The following SLC38A12 variants were observed in gnomAD, a reference collection of about 807,000 sequenced individuals.
SLC38A12 encodes putative sodium-coupled neutral amino acid transporter 12.
chr17:74,837,239 C>T, the SLC38A12 span: 1 of 985,706 alleles, frequency 1.0e-6, no homozygotes, highest in Non-Finnish European at 1.2e-6. Flanking sequence ...GTAGGTGCCA[C>T]CTCAGAGAGG....
At chr17:74,838,990 C>G in the SLC38A12 span, 1 of 1,535,662 alleles carries the variant, frequency 6.5e-7, no homozygotes, top group African/African-American at 1.4e-5. Flanking sequence ...TCAACAGCCT[C>G]TACCCAACAT....
the SLC38A12 span, among the ~76,000 whole-genome samples, chr17:74,804,198 C>G: frequency 1.3e-5 from 2 of 152,246 alleles, no homozygotes; most frequent in Non-Finnish European, 2.9e-5. Context: ...ATAAGCAGAG[C>G]CTGATGTCTT....
the SLC38A12 span, among the ~76,000 whole-genome samples, chr17:74,835,332 C>T: frequency 4.6e-5 from 7 of 152,272 alleles, no homozygotes; most frequent in African/African-American, 1.4e-4. Flanking sequence ...TGCCCTTGGC[C>T]CCTAGGCACT....
At chr17:74,828,254 G>A in the SLC38A12 span, among the ~76,000 whole-genome samples, 1 of 152,206 alleles carries the variant, frequency 6.6e-6, no homozygotes, top group Non-Finnish European at 1.5e-5. Flanking sequence ...AGAGGTCAGA[G>A]AGTTGTGGGA....
chr17:74,836,533 G>A, the SLC38A12 span: 19 of 1,612,914 alleles, frequency 1.2e-5, no homozygotes, highest in South Asian at 2.2e-5. The surrounding 1 kb of genome is among the most constrained non-coding windows in gnomAD (Gnocchi z 4.2). Flanking sequence ...TACCACTGCC[G>A]CAGGGACACC....
chr17:74,830,439 ACTT>A, the SLC38A12 span, among the ~76,000 whole-genome samples: 13 of 152,180 alleles, frequency 8.5e-5, no homozygotes, highest in Non-Finnish European at 1.9e-4. Flanking sequence ...GCCTGCAGGG[ACTT>A]CTTATCTGGC....
chr17:74,804,160 A>T, the SLC38A12 span, among the ~76,000 whole-genome samples: 9 of 152,374 alleles, frequency 5.9e-5, no homozygotes, highest in East Asian at 1.7e-3. Context: ...TCCCTGAATG[A>T]TGCTTGCTCT....
the SLC38A12 span, chr17:74,795,511 T>C: frequency 5.0e-6 from 8 of 1,612,322 alleles, no homozygotes; most frequent in Non-Finnish European, 1.7e-6. Flanking sequence ...CCTGCTGTCA[T>C]TCTCTTTATC....
the SLC38A12 span, chr17:74,836,658 A>G: frequency 6.2e-7 from 1 of 1,608,894 alleles, no homozygotes; most frequent in Non-Finnish European, 8.5e-7. This position sits in a 1 kb window ranked among gnomAD's most constrained non-coding sequence, Gnocchi z 4.2. Flanking sequence ...CGTCACGGCC[A>G]ATATCATCCT....
At chr17:74,814,097 A>G in the SLC38A12 span, among the ~76,000 whole-genome samples, 1 of 152,308 alleles carries the variant, frequency 6.6e-6, no homozygotes, top group South Asian at 2.1e-4. Context: ...CAAGACCTTG[A>G]GCTTCTTCAC....
chr17:74,822,471 C>T, the SLC38A12 span, among the ~76,000 whole-genome samples: 2 of 152,242 alleles, frequency 1.3e-5, no homozygotes, highest in African/African-American at 4.8e-5. Flanking sequence ...GAGACCAGCT[C>T]GGGAAGGTCG....
At chr17:74,836,498 G>A in the SLC38A12 span, 4 of 1,611,786 alleles carry the variant, frequency 2.5e-6, no homozygotes, top group Admixed American at 5.0e-5. This position sits in a 1 kb window ranked among gnomAD's most constrained non-coding sequence, Gnocchi z 4.2. Context: ...CCGGCATCCA[G>A]TACGTCATCC....
chr17:74,798,764 C>G, the SLC38A12 span, among the ~76,000 whole-genome samples: 5 of 150,080 alleles, frequency 3.3e-5, no homozygotes, highest in East Asian at 6.0e-4. Context: ...CCCTCCTGCT[C>G]TTTTGAAAAA....
the SLC38A12 span, among the ~76,000 whole-genome samples, chr17:74,824,527 G>A: frequency 1.1e-3 from 164 of 152,302 alleles, 1 homozygote; most frequent in Middle Eastern, 0.01. Flanking sequence ...AACTTTCACC[G>A]ACAGATGCCT....
the SLC38A12 span, chr17:74,838,404 A>G: frequency 3.5e-5 from 35 of 1,006,462 alleles, no homozygotes; most frequent in Non-Finnish European, 4.0e-5. Flanking sequence ...ATCTGGAACT[A>G]CCCTTCTCCA....
the SLC38A12 span, chr17:74,788,721 G>C: frequency 1.4e-6 from 2 of 1,410,480 alleles, no homozygotes; most frequent in Non-Finnish European, 2.0e-6. Flanking sequence ...TCTTACAATG[G>C]TGTTTTCCTT....
the SLC38A12 span, chr17:74,836,770 C>T: frequency 1.3e-6 from 2 of 1,497,736 alleles, no homozygotes; most frequent in Non-Finnish European, 8.9e-7. This position sits in a 1 kb window ranked among gnomAD's most constrained non-coding sequence, Gnocchi z 4.2. Flanking sequence ...TTTAGTTGCT[C>T]CCAGGTCTTC....
chr17:74,836,593 G>A, the SLC38A12 span: 22 of 1,612,640 alleles, frequency 1.4e-5, no homozygotes, highest in South Asian at 1.4e-4. The surrounding 1 kb of genome is among the most constrained non-coding windows in gnomAD (Gnocchi z 4.2). Context: ...TCCCCTTTCC[G>A]CCACACCTTC....
chr17:74,806,860 C>T, the SLC38A12 span, among the ~76,000 whole-genome samples: 1 of 152,146 alleles, frequency 6.6e-6, no homozygotes, highest in South Asian at 2.1e-4. Context: ...AGTGTCCCGC[C>T]CCACGGCTCC....
Sources: allele counts gnomAD v4.1 joint callset (sites outside exome capture counted in the v4.1 genomes callset), GRCh38; gene constraint gnomAD v4.1.1; non-coding constraint Gnocchi (gnomAD v3.1); transcripts MANE v1.5; gene names NCBI Gene and HGNC (gene_info 2026-07-23, HGNC 2026-07-21).